The following UBQLN1 variants were observed in gnomAD, a reference collection of about 807,000 sequenced individuals.
The protein encoded by UBQLN1 is ubiquilin-1.
UBQLN1 carries 13 observed loss-of-function variants against 65.4 expected under a neutral mutation model. That is an observed-to-expected ratio of 0.20 (90% CI 0.13 to 0.32). UBQLN1 has a LOEUF of 0.32. Ranked by LOEUF, UBQLN1 falls within the 10% of genes least tolerant of loss-of-function variation. The pLI, the probability that UBQLN1 is intolerant of heterozygous loss-of-function variation, is 1.00. For synonymous variants in UBQLN1, 267 were observed against 247.8 expected (o/e 1.08, Z -0.73); for missense variants, 561 against 724.0 (o/e 0.77, Z 2.58).
intron 8 of UBQLN1, among the ~76,000 whole-genome samples, chr9:83,665,840 T>C (rs375151109): frequency 2.6e-5 from 4 of 152,344 alleles, no homozygotes; most frequent in African/African-American, 9.6e-5. Context: ...TACTCGTTTA[T>C]ACTATAACCT....
chr9:83,677,754 C>A lies in UBQLN1; in HGVS notation c.1078G>T (p.Ala360Ser). Residue 360 changes from alanine to serine, a missense_variant, in exon 6 of 11, where the codon GCG becomes TCG. Ala to Ser is a moderately conservative substitution (Grantham distance 99, BLOSUM62 1). Coordinates refer to ENST00000376395, the MANE Select transcript of UBQLN1 (RefSeq NM_013438.5). ...ASGTSGQSTT[A>S]PNLVPGVGAS... ...CCTACTCCAGGCACCAAATTTGGCGCAGTAGTACTCTGCCCAGAAGTGCCA... is the reference window on the plus strand; with the variant it reads ...CCTACTCCAGGCACCAAATTTGGCGAAGTAGTACTCTGCCCAGAAGTGCCA... 1 of 1,614,014 alleles carries A rather than the reference C, an allele frequency of 6.2e-7. No homozygotes were observed. The highest frequency in any genetic ancestry group is 2.2e-5 in the East Asian group (1 of 44,874).
chr9:83,686,977 A>T (rs1401265298), intron 1 of UBQLN1, among the ~76,000 whole-genome samples: 3 of 142,576 alleles, frequency 2.1e-5, no homozygotes, highest in East Asian at 4.0e-4. Flanking sequence ...CTGTCTGTTT[A>T]AAAAAAAAAA....
At chr9:83,667,526 T>C (rs760844397) in intron 7 of UBQLN1, 11 of 985,442 alleles carry the variant, frequency 1.1e-5, no homozygotes, top group Non-Finnish European at 1.3e-5. Flanking sequence ...ACATACAGTA[T>C]TTATTTCAAA....
chr9:83,664,923 CAAAAAA>C (rs539581441), intron 9 of UBQLN1, 101 bp downstream of exon 9: 397 of 231,348 alleles, frequency 1.7e-3, no homozygotes, highest in South Asian at 2.2e-3. Context: ...TGTATCCCAC[CAAAAAA>C]AAAAAAAAAA....
Position 83,681,562 on chromosome 9 carries a change from C to T in UBQLN1, c.448+1389G>A, listed in dbSNP as rs1454399380. 4.6e-5 allele frequency among the ~76,000 whole-genome samples: 7 copies of T among 152,044 alleles called. No individual in the cohort carries two copies. In the South Asian group the frequency reaches 1.2e-3, roughly 27 times the overall value. On this transcript the variant is annotated intron_variant, in intron 3 of 10. Coordinates refer to ENST00000376395, the MANE Select transcript of UBQLN1 (RefSeq NM_013438.5). ...GAGCATAAATACTTTGGCAAGGAAA[C>T]GTGAAGAAGGTTAGGAGGGGGACTG... is the stretch of plus-strand genomic sequence containing the variant.
At chr9:83,668,275 T>C in intron 7 of UBQLN1, 2 of 984,668 alleles carry the variant, frequency 2.0e-6, no homozygotes, top group Non-Finnish European at 2.4e-6. Flanking sequence ...CAATATAGTT[T>C]TAGAATTTAG....
intron 6 of UBQLN1, among the ~76,000 whole-genome samples, chr9:83,677,234 A>G (rs1442303592): frequency 3.3e-5 from 5 of 152,204 alleles, no homozygotes; most frequent in Middle Eastern, 3.2e-3. Context: ...ACACAAGTAA[A>G]TAAGTGTTCT....
chr9:83,683,122 A>G, intron 2 of UBQLN1, 56 bp from the exon 3 acceptor site: 5 of 1,331,678 alleles, frequency 3.8e-6, no homozygotes, highest in Non-Finnish European at 5.3e-6. Context: ...TTTTAAAAGA[A>G]CCACCAAAGG....
intron 1 of UBQLN1, among the ~76,000 whole-genome samples, chr9:83,687,794 T>C (rs534001014): frequency 1.4e-5 from 2 of 141,090 alleles, no homozygotes; most frequent in South Asian, 2.1e-4. Context: ...TTTTAAAAAA[T>C]CTGTTTTACC....
intron 2 of UBQLN1, 66 bp downstream of exon 2, chr9:83,685,938 T>G: frequency 7.3e-7 from 1 of 1,361,642 alleles, no homozygotes; most frequent in Non-Finnish European, 1.0e-6. Flanking sequence ...CAGCCAACAC[T>G]AGTTACTTTT....
chr9:83,702,385 T>C (rs1832323502), intron 1 of UBQLN1, among the ~76,000 whole-genome samples: 1 of 152,158 alleles, frequency 6.6e-6, no homozygotes, highest in Non-Finnish European at 1.5e-5. Flanking sequence ...TGTCCAGTAT[T>C]AGAACAAAGC....
intron 7 of UBQLN1, chr9:83,668,350 T>A: frequency 1.0e-6 from 1 of 985,380 alleles, no homozygotes; most frequent in Non-Finnish European, 1.2e-6. Context: ...AACTATAAAG[T>A]CTTCCAAATT....
At chr9:83,685,656 T>C (rs1203459965) in intron 2 of UBQLN1, among the ~76,000 whole-genome samples, 4 of 150,712 alleles carry the variant, frequency 2.7e-5, no homozygotes, top group East Asian at 1.9e-4. Flanking sequence ...TAAAGAAATA[T>C]GATTATCAAT....
At chr9:83,665,591 T>G (rs1831631865) in intron 8 of UBQLN1, among the ~76,000 whole-genome samples, 1 of 152,208 alleles carries the variant, frequency 6.6e-6, no homozygotes, top group African/African-American at 2.4e-5. Context: ...AGTTCCAAAT[T>G]TGACGTTAAT....
intron 1 of UBQLN1, among the ~76,000 whole-genome samples, chr9:83,702,660 C>T (rs1832331024): frequency 6.6e-6 from 1 of 152,036 alleles, no homozygotes; most frequent in Non-Finnish European, 1.5e-5. Flanking sequence ...TTTGTTCATA[C>T]CAAATTTTCA....
chr9:83,701,114 A>C (rs1358823864), intron 1 of UBQLN1, among the ~76,000 whole-genome samples: 3 of 152,216 alleles, frequency 2.0e-5, no homozygotes, highest in Non-Finnish European at 4.4e-5. Context: ...TTACAACTTC[A>C]GAACTCCAAA....
chr9:83,678,645 T>A, intron 4 of UBQLN1, 46 bp from the exon 5 acceptor site: 1 of 1,550,958 alleles, frequency 6.4e-7, no homozygotes, highest in Non-Finnish European at 8.8e-7. Context: ...GGCATTGAAA[T>A]ACACATGAAT....
intron 1 of UBQLN1, among the ~76,000 whole-genome samples, chr9:83,702,294 T>C (rs1431146268): frequency 6.6e-6 from 1 of 152,206 alleles, no homozygotes; most frequent in Non-Finnish European, 1.5e-5. Flanking sequence ...GGTAGGCAAA[T>C]TACACTTCAA....
At chr9:83,668,588 T>G in intron 7 of UBQLN1, 1 of 985,520 alleles carries the variant, frequency 1.0e-6, no homozygotes, top group Non-Finnish European at 1.2e-6. Flanking sequence ...TGATCCTGAG[T>G]GTTCAGCCAG....
Sources: gnomAD v4.1 joint callset for allele counts (sites outside exome capture counted in the v4.1 genomes callset) on GRCh38, gnomAD v4.1.1 for gene constraint, MANE v1.5 for transcripts, NCBI Gene and HGNC (gene_info 2026-07-23, HGNC 2026-07-21) for gene names.